KCNIP4: variants seen among roughly 807,000 people sequenced by gnomAD.
KCNIP4 encodes potassium voltage-gated channel interacting protein 4.
KCNIP4 carries 12 observed loss-of-function variants against 34.0 expected under a neutral mutation model. The observed-to-expected ratio is 0.35, with a 90% CI of 0.23 to 0.57. The LOEUF (loss-of-function observed/expected upper bound fraction) is 0.57. KCNIP4 is among the 20% of genes least tolerant of loss of function. The pLI is 0.83. For missense variants in KCNIP4, 238 were observed against 311.7 expected (o/e 0.76, Z 1.78); for synonymous variants, 124 against 102.2 (o/e 1.21, Z -1.29).
At chr4:20,991,607 C>T (rs530889275) in intron 1 of KCNIP4, among the ~76,000 whole-genome samples, 3 of 152,216 alleles carry the variant, frequency 2.0e-5, no homozygotes, top group Non-Finnish European at 2.9e-5. Flanking sequence ...AGGAAAGGGC[C>T]GATCAAGGGG....
chr4:21,759,445 G>T (rs184970985), intron 1 of KCNIP4, among the ~76,000 whole-genome samples: 8 of 152,114 alleles, frequency 5.3e-5, no homozygotes, highest in Non-Finnish European at 7.3e-5. Context: ...ATCTTCAACT[G>T]AATATTCTTG....
intron 1 of KCNIP4, among the ~76,000 whole-genome samples, chr4:21,814,661 G>C (rs962473171): frequency 3.9e-5 from 6 of 152,142 alleles, no homozygotes; most frequent in Admixed American, 3.9e-4. Context: ...AACTGGCTGA[G>C]CCCCGTTAAG....
chr4:21,227,137 A>G (rs1181113159), intron 1 of KCNIP4, among the ~76,000 whole-genome samples: 1 of 152,206 alleles, frequency 6.6e-6, no homozygotes, highest in Non-Finnish European at 1.5e-5. Context: ...AGCATGTAGC[A>G]GACCTTTAGC....
chr4:20,769,746 GAGGTTGTTGGT>G lies in KCNIP4; in HGVS notation c.289-10867_289-10857del, dbSNP rs1578575110. Among the ~76,000 whole-genome samples the G allele has an allele frequency of 4.6e-5, 7 of 152,164 alleles. No homozygotes were observed. In the South Asian group the frequency reaches 1.5e-3, roughly 32 times the overall value. Reference sequence around the variant, plus strand: ...CTTGCAGTCCTCTTCCAAGCTCACTGAGGTTGTTGGTAGAATTCAGCTTCTGTGGTTGTAGG... The same window carrying G: ...CTTGCAGTCCTCTTCCAAGCTCACTGAGAATTCAGCTTCTGTGGTTGTAGG... On this transcript the variant is annotated intron_variant, in intron 3 of 8. Transcript: ENST00000382152.
chr4:21,351,573 A>G (rs964689497), intron 1 of KCNIP4, among the ~76,000 whole-genome samples: 1 of 152,164 alleles, frequency 6.6e-6, no homozygotes, highest in African/African-American at 2.4e-5. Flanking sequence ...ATACTAATAC[A>G]GTTTCCATAG....
At position 21,604,233 on chromosome 4, in the gene KCNIP4, A is replaced by T. The variant is rs139518343; in HGVS notation, c.61+344338T>A. On this transcript the variant is annotated intron_variant, in intron 1 of 8. Coordinates refer to ENST00000382152, the MANE Select transcript of KCNIP4 (RefSeq NM_025221.6). ...AATGCAGATGTGGAGTCATTTGCTT[A>T]AAGCCCATTAAATTGTTTAGAAACC... Among the ~76,000 whole-genome samples the T allele has an allele frequency of 1.4e-3, 210 of 152,252 alleles. 2 individuals are homozygous for T. Among genetic ancestry groups the T allele is most frequent in the African/African-American group, 4.6e-3 (192 of 41,564 alleles).
intron 1 of KCNIP4, among the ~76,000 whole-genome samples, chr4:21,408,381 C>T (rs2109579098): frequency 6.6e-6 from 1 of 152,058 alleles, no homozygotes. Flanking sequence ...GAATTTAGAG[C>T]AACGTAAATT....
chr4:21,007,792 G>T (rs1388855285), intron 1 of KCNIP4, among the ~76,000 whole-genome samples: 1 of 152,180 alleles, frequency 6.6e-6, no homozygotes, highest in Non-Finnish European at 1.5e-5. Context: ...TAAATGAGAA[G>T]TAATCTGACT....
chr4:21,040,908 C>T (rs1240270845), intron 1 of KCNIP4, among the ~76,000 whole-genome samples: 2 of 148,182 alleles, frequency 1.3e-5, no homozygotes, highest in African/African-American at 5.0e-5. Flanking sequence ...TTTTGGTTAA[C>T]TGTCTTCATG....
At chr4:21,610,222 G>A (rs964150264) in intron 1 of KCNIP4, among the ~76,000 whole-genome samples, 1 of 152,238 alleles carries the variant, frequency 6.6e-6, no homozygotes, top group Admixed American at 6.5e-5. Flanking sequence ...TTTTCACACA[G>A]TTCTGGAGGC....
At chr4:20,872,535 A>G (rs1723595737) in intron 2 of KCNIP4, among the ~76,000 whole-genome samples, 1 of 152,144 alleles carries the variant, frequency 6.6e-6, no homozygotes, top group Non-Finnish European at 1.5e-5. Context: ...GGCTCTTTGA[A>G]GAATTAGGTT....
intron 1 of KCNIP4, among the ~76,000 whole-genome samples, chr4:21,820,273 ATG>A (rs201520758): frequency 0.13 from 5,853 of 45,224 alleles, 275 homozygotes; most frequent in Middle Eastern, 0.21. Flanking sequence ...TATCTTATGT[ATG>A]TGTGTGTGTG....
chr4:21,060,494 T>A (rs1405057803), intron 1 of KCNIP4, among the ~76,000 whole-genome samples: 1 of 152,206 alleles, frequency 6.6e-6, no homozygotes, highest in African/African-American at 2.4e-5. Context: ...AAAGGGAATG[T>A]TTGTTGCAAA....
chr4:21,342,441 T>C (rs1355902970), intron 1 of KCNIP4, among the ~76,000 whole-genome samples: 6 of 152,142 alleles, frequency 3.9e-5, no homozygotes, highest in African/African-American at 1.4e-4. Context: ...TTAATAAACA[T>C]TGTCACTATT....
intron 1 of KCNIP4, among the ~76,000 whole-genome samples, chr4:20,913,882 G>A (rs974439867): frequency 7.9e-5 from 12 of 151,910 alleles, no homozygotes; most frequent in Non-Finnish European, 1.0e-4. Context: ...ATGGCCAGGC[G>A]CGGTGGCTCA....
intron 1 of KCNIP4, among the ~76,000 whole-genome samples, chr4:21,040,306 C>G (rs1342354629): frequency 6.6e-6 from 1 of 152,160 alleles, no homozygotes; most frequent in Non-Finnish European, 1.5e-5. Context: ...CAGACTTTCT[C>G]TCTTTGATAC....
chr4:21,937,534 A>T (rs983042612), intron 1 of KCNIP4, among the ~76,000 whole-genome samples: 2 of 152,072 alleles, frequency 1.3e-5, no homozygotes, highest in African/African-American at 2.4e-5. Context: ...TCTTCTATCC[A>T]CAAAATTGAA....
At chr4:21,372,161 G>T (rs187475149) in intron 1 of KCNIP4, among the ~76,000 whole-genome samples, 2 of 147,252 alleles carry the variant, frequency 1.4e-5, no homozygotes, top group South Asian at 2.1e-4. Flanking sequence ...ACACAGCATC[G>T]TACTTCAGGA....
chr4:21,474,149 G>C (rs1315510256), intron 1 of KCNIP4, among the ~76,000 whole-genome samples: 1 of 151,936 alleles, frequency 6.6e-6, no homozygotes. Context: ...AGAATCCTAG[G>C]GTAAAAATAT....
Sources: gnomAD v4.1 joint callset for allele counts (sites outside exome capture counted in the v4.1 genomes callset) on GRCh38, gnomAD v4.1.1 for gene constraint, MANE v1.5 for transcripts, NCBI Gene and HGNC (gene_info 2026-07-23, HGNC 2026-07-21) for gene names.